Variants in NEDD4 observed in about 807,000 individuals in gnomAD.
NEDD4 encodes E3 ubiquitin-protein ligase NEDD4.
Under a neutral mutation model 144.9 loss-of-function variants are expected in NEDD4, and 99 were observed. The observed-to-expected ratio is 0.68, with a 90% CI of 0.58 to 0.81. The LOEUF is 0.81. NEDD4 is among the 30% of genes least tolerant of loss of function. The pLI is 0.00. For missense variants in NEDD4, 985 were observed against 1,065.9 expected (o/e 0.92, Z 1.06); for synonymous variants, 318 against 350.6 (o/e 0.91, Z 1.04).
At chr15:55,964,700 T>TGC (rs2037483420) in intron 2 of NEDD4, among the ~76,000 whole-genome samples, 1 of 120,446 alleles carries the variant, frequency 8.3e-6, no homozygotes, top group Non-Finnish European at 2.0e-5. Flanking sequence ...CTGGTGTGTG[T>TGC]GTGTGTGTGT....
At chr15:55,858,370 A>T (rs1175413266) in intron 11 of NEDD4, among the ~76,000 whole-genome samples, 1 of 152,116 alleles carries the variant, frequency 6.6e-6, no homozygotes, top group South Asian at 2.1e-4. Flanking sequence ...GCAATGGTGC[A>T]ATCTCGGCTC....
intron 13 of NEDD4, among the ~76,000 whole-genome samples, chr15:55,851,374 G>GT (rs140007357): frequency 0.14 from 21,302 of 149,160 alleles, 1,633 homozygotes; most frequent in East Asian, 0.36. Flanking sequence ...TCAATGCAAA[G>GT]TTTTTTTTTT....
intron 1 of NEDD4, among the ~76,000 whole-genome samples, chr15:55,968,491 AT>A (rs1294640345): frequency 2.0e-5 from 3 of 150,130 alleles, no homozygotes; most frequent in Non-Finnish European, 4.4e-5. Flanking sequence ...CATATCTAAA[AT>A]ATCTACAGAA....
intron 27 of NEDD4, among the ~76,000 whole-genome samples, chr15:55,832,708 C>T (rs55695470): frequency 0.15 from 23,166 of 152,164 alleles, 2,316 homozygotes; most frequent in Middle Eastern, 0.23. Flanking sequence ...AGCCACCCCT[C>T]CCGGCCAAGG....
chr15:55,843,154 T>A (rs1371966565), intron 18 of NEDD4, among the ~76,000 whole-genome samples: 1 of 152,218 alleles, frequency 6.6e-6, no homozygotes, highest in Non-Finnish European at 1.5e-5. Context: ...TTGTGAGGCC[T>A]CCCTAGCCAT....
Position 55,903,327 on chromosome 15 carries a change from A to C in NEDD4, c.291+21319T>G, listed in dbSNP as rs1481559051. On this transcript the variant is annotated intron_variant, in intron 5 of 28. Coordinates refer to ENST00000435532, the MANE Select transcript of NEDD4 (RefSeq NM_006154.4). ...GCTAGTGGTAGTAGAAAGGTGCTTT[A>C]AAATACATAATGGAGTTGCGTTTTG... Among the ~76,000 whole-genome samples the C allele has an allele frequency of 2.0e-5, 3 of 152,154 alleles. No homozygotes were observed. In the East Asian group the frequency reaches 5.8e-4, roughly 29 times the overall value.
At chr15:55,917,910 TAA>T (rs1218780905) in intron 5 of NEDD4, among the ~76,000 whole-genome samples, 1 of 152,082 alleles carries the variant, frequency 6.6e-6, no homozygotes, top group Non-Finnish European at 1.5e-5. Context: ...TTCATTCACT[TAA>T]GAGAGTGTTG....
intron 4 of NEDD4, among the ~76,000 whole-genome samples, chr15:55,929,330 C>G (rs2036736040): frequency 6.6e-6 from 1 of 152,012 alleles, no homozygotes; most frequent in Non-Finnish European, 1.5e-5. Flanking sequence ...AGATTTTTTT[C>G]CTTTTTTAAA....
chr15:55,852,684 TC>T, intron 12 of NEDD4, 141 bp from the exon 13 acceptor site: 1 of 203,270 alleles, frequency 4.9e-6, no homozygotes, highest in Non-Finnish European at 8.3e-6. Flanking sequence ...TTTTGCCTTT[TC>T]TAGAAATATA....
chr15:55,917,619 C>T (rs1343537299), intron 5 of NEDD4, among the ~76,000 whole-genome samples: 1 of 151,984 alleles, frequency 6.6e-6, no homozygotes, highest in East Asian at 1.9e-4. Context: ...AAGGACAGAA[C>T]TACAAAATTA....
chr15:55,841,904 T>G, intron 19 of NEDD4, 30 bp downstream of exon 19: 1 of 1,570,034 alleles, frequency 6.4e-7, no homozygotes, highest in African/African-American at 1.4e-5. Flanking sequence ...TTTTTCTTTT[T>G]CTGCCGATAA....
At chr15:55,937,306 T>G (rs2036913819) in intron 4 of NEDD4, among the ~76,000 whole-genome samples, 1 of 152,206 alleles carries the variant, frequency 6.6e-6, no homozygotes, top group Non-Finnish European at 1.5e-5. Flanking sequence ...GGCGAATACA[T>G]TCAGTTCAAA....
At chr15:55,888,338 T>A (rs2035459088) in intron 5 of NEDD4, among the ~76,000 whole-genome samples, 1 of 151,914 alleles carries the variant, frequency 6.6e-6, no homozygotes, top group African/African-American at 2.4e-5. Flanking sequence ...ATGCCAAGAG[T>A]AAACAATTTG....
intron 4 of NEDD4, among the ~76,000 whole-genome samples, chr15:55,935,040 G>A (rs2036859385): frequency 6.6e-6 from 1 of 151,516 alleles, no homozygotes; most frequent in African/African-American, 2.4e-5. Flanking sequence ...GGCTAATTTT[G>A]CATTTTTAGT....
At chr15:55,899,707 A>C (rs554381551) in intron 5 of NEDD4, among the ~76,000 whole-genome samples, 39 of 152,162 alleles carry the variant, frequency 2.6e-4, no homozygotes, top group Admixed American at 1.9e-3. Context: ...CTTGAGACCT[A>C]ATGTTCTAGG....
chr15:55,846,946 T>A, intron 18 of NEDD4, 23 bp downstream of exon 18: 2 of 1,408,866 alleles, frequency 1.4e-6, no homozygotes, highest in Non-Finnish European at 2.0e-6. Flanking sequence ...GACTCTTAAG[T>A]ATTTATTATA....
At chr15:55,871,980 C>A (rs1316721383) in intron 7 of NEDD4, among the ~76,000 whole-genome samples, 7 of 152,082 alleles carry the variant, frequency 4.6e-5, no homozygotes, top group Non-Finnish European at 1.0e-4. Flanking sequence ...AAATTCCAGT[C>A]TTATGTTATT....
rs755910875 is a variant in NEDD4 at position 55,834,355 on chromosome 15, G to A, written c.2263-69C>T. ...GGCCTTTCCTATGCCTCAGCTTCTG[G>A]ATGCTACTGGAGGAATCCCACATCC... is the stretch of plus-strand genomic sequence containing the variant. On this transcript the variant is annotated intron_variant, in intron 24 of 28. Coordinates refer to ENST00000435532, the MANE Select transcript of NEDD4 (RefSeq NM_006154.4). 50 of 938,238 alleles carry A rather than the reference G, an allele frequency of 5.3e-5. No individual in the cohort carries two copies. In the Middle Eastern group the frequency reaches 6.4e-4, roughly 12 times the overall value. 58.1% of individuals were successfully genotyped at this position (938,238 alleles called of 1,614,324 possible). A position where few individuals can be genotyped will look rare whatever the true frequency, so the allele number is the denominator to read the frequency against.
intron 1 of NEDD4, among the ~76,000 whole-genome samples, chr15:55,967,813 G>T (rs1385510031): frequency 6.6e-6 from 1 of 151,996 alleles, no homozygotes; most frequent in Non-Finnish European, 1.5e-5. Context: ...TTGAGCCCAG[G>T]AGTTCAAGAC....
Sources: allele counts gnomAD v4.1 joint callset (sites outside exome capture counted in the v4.1 genomes callset), GRCh38; gene constraint gnomAD v4.1.1; transcripts MANE v1.5; gene names NCBI Gene and HGNC (gene_info 2026-07-23, HGNC 2026-07-21).